HELB: variants seen among roughly 807,000 people sequenced by gnomAD.
The protein encoded by HELB is DNA helicase B.
In HELB, 96 loss-of-function variants were observed where a neutral mutation model predicts 101.7. That is an observed-to-expected ratio of 0.94 (90% confidence interval 0.80 to 1.12). The LOEUF (loss-of-function observed/expected upper bound fraction) is 1.12, where lower values mean the gene tolerates loss of function less well. HELB is among the 50% of genes most tolerant of loss of function. The pLI is 0.00. For missense variants in HELB, 1,210 were observed against 1,291.9 expected (o/e 0.94, Z 0.97); for synonymous variants, 437 against 459.7 (o/e 0.95, Z 0.63).
Position 66,324,210 on chromosome 12 carries a change from A to G in HELB, c.2525A>G (p.Asn842Ser). Residue 842 changes from asparagine to serine, a missense_variant and splice_region_variant, in exon 10 of 13, where the codon AAT becomes AGT. Asn to Ser is a conservative substitution (Grantham distance 46, BLOSUM62 1). This residue lies in a region of HELB where 740 missense variants were observed against 728.8 expected (regional missense o/e 1.02). Coordinates refer to ENST00000247815, the MANE Select transcript of HELB (RefSeq NM_001370285.1). ...AATGGAGAGATATTTTTCATAACAA[A>G]TGTAAGTGAAAACAGAAGATAATAT... ...LCNGEIFFIT[N>S]DVTDVTFGKR... is the part of the protein sequence containing the mutation. 1 of 1,576,802 alleles carries G rather than the reference A, an allele frequency of 6.3e-7. No homozygotes were observed. Among genetic ancestry groups the G allele is most frequent in the Non-Finnish European group, 8.7e-7 (1 of 1,149,232 alleles).
At position 66,324,850 on chromosome 12, in the gene HELB, G is replaced by A; in HGVS notation, c.2527-133G>A. On this transcript the variant is annotated intron_variant, in intron 10 of 12. Coordinates refer to ENST00000247815, the MANE Select transcript of HELB (RefSeq NM_001370285.1). Reference sequence around the variant, plus strand: ...GTTTGTGCTGAAATGCAAATTTTAAGCCTTTTGAAATTCTTAATGGTAATT... The same window carrying A: ...GTTTGTGCTGAAATGCAAATTTTAAACCTTTTGAAATTCTTAATGGTAATT... The A allele has an allele frequency of 3.7e-6, 4 of 1,069,540 alleles. No individual in the cohort carries two copies. The South Asian group carries it at 5.4e-5, about 14-fold the overall frequency. 66.3% of individuals were successfully genotyped at this position (1,069,540 alleles called of 1,614,324 possible).
chr12:66,313,209 T>C (rs112398055), intron 4 of HELB, among the ~76,000 whole-genome samples: 181 of 67,710 alleles, frequency 2.7e-3, no homozygotes, highest in Non-Finnish European at 7.1e-3. Context: ...GTAGAAAAAT[T>C]AGATGAAGAT....
chr12:66,316,259 A>G (rs2053604007), intron 6 of HELB, among the ~76,000 whole-genome samples: 1 of 152,128 alleles, frequency 6.6e-6, no homozygotes, highest in African/African-American at 2.4e-5. Context: ...TATTCACACG[A>G]CGATGAACAT....
chr12:66,305,802 G>A (rs972173137), intron 2 of HELB, among the ~76,000 whole-genome samples: 9 of 151,774 alleles, frequency 5.9e-5, no homozygotes, highest in Admixed American at 3.3e-4. Context: ...AGAGAAGAAC[G>A]ACAAGGATGT....
intron 4 of HELB, among the ~76,000 whole-genome samples, chr12:66,313,114 C>T (rs140225276): frequency 6.6e-6 from 1 of 151,834 alleles, no homozygotes; most frequent in Non-Finnish European, 1.5e-5. Context: ...CTACTGTGAG[C>T]ATAGGGGGTT....
At chr12:66,330,238 C>T (rs1324322098) in intron 11 of HELB, among the ~76,000 whole-genome samples, 3 of 152,046 alleles carry the variant, frequency 2.0e-5, no homozygotes, top group Non-Finnish European at 2.9e-5. Flanking sequence ...TACAGTTACA[C>T]GGTGATATTG....
rs533875149 is a variant in HELB at position 66,311,860 on chromosome 12, A to C, written c.1680+1252A>C. Reference sequence around the variant, plus strand: ...CATTTTTTAGATAAAGAAACATGGTAGTTGGAAGATTTCTGAAGAAGGTAA... The same window carrying C: ...CATTTTTTAGATAAAGAAACATGGTCGTTGGAAGATTTCTGAAGAAGGTAA... On this transcript the variant is annotated intron_variant, in intron 4 of 12. Transcript: ENST00000247815. Among the ~76,000 whole-genome samples, 82 of 152,340 alleles carry C rather than the reference A, an allele frequency of 5.4e-4. No individual in the cohort carries two copies. The South Asian group carries it at 0.016, about 30-fold the overall frequency.
chr12:66,317,811 T>A (rs1238128748), intron 6 of HELB, among the ~76,000 whole-genome samples: 2 of 152,238 alleles, frequency 1.3e-5, no homozygotes, highest in African/African-American at 4.8e-5. Flanking sequence ...AAATCTGGGC[T>A]ATCGCCAGCA....
chr12:66,312,626 G>A (rs531906214), intron 4 of HELB, among the ~76,000 whole-genome samples: 1 of 152,268 alleles, frequency 6.6e-6, no homozygotes, highest in South Asian at 2.1e-4. Context: ...TGATGTGTCA[G>A]CTCTGATTAG....
Position 66,306,409 on chromosome 12 carries a change from T to C in HELB, c.672T>C (p.Leu224=). The C allele has an allele frequency of 1.2e-6, 2 of 1,609,946 alleles. No homozygotes were observed. The highest frequency in any genetic ancestry group is 1.7e-6 in the Non-Finnish European group (2 of 1,178,080). The part of the protein sequence containing the change: ...FPKIMEFLPV[L]LPRHFKWIIG... ...AGATAATGGAATTCCTTCCAGTTCT[T>C]CTGCCTCGACACTTTAAATGGATCA... The change falls in exon 3 of 13, where the codon CTT becomes CTC. Residue 224 remains leucine (L), a synonymous_variant. Transcript: ENST00000247815.
downstream of HELB, chr12:66,340,146 T>C (rs1354569895): frequency 6.6e-6 from 1 of 152,186 alleles, no homozygotes; most frequent in Non-Finnish European, 1.5e-5. Flanking sequence ...GGAGTAGAAT[T>C]GATGGGTCAT....
At chr12:66,320,027 TC>T (rs781541991) in intron 7 of HELB, among the ~76,000 whole-genome samples, 1 of 151,924 alleles carries the variant, frequency 6.6e-6, no homozygotes, top group Non-Finnish European at 1.5e-5. Context: ...TATTGTGCTT[TC>T]ATTCTAGTGT....
intron 2 of HELB, among the ~76,000 whole-genome samples, chr12:66,305,627 C>T (rs1386171354): frequency 1.3e-5 from 2 of 151,666 alleles, no homozygotes; most frequent in African/African-American, 2.4e-5. Flanking sequence ...TACCTGTAGT[C>T]CCAGCTACTT....
chr12:66,327,259 T>C (rs1429325715), intron 11 of HELB, among the ~76,000 whole-genome samples: 3 of 151,698 alleles, frequency 2.0e-5, no homozygotes, highest in Admixed American at 6.6e-5. Context: ...GTGTAATATT[T>C]CTGGCTCTGG....
Position 66,331,389 on chromosome 12 carries a change from G to A in HELB, c.2906G>A (p.Arg969Gln), listed in dbSNP as rs747474183. ...CCTCCAGCAGATTTTCCGTCCCCAC[G>A]GAAGAGCTCTGGAGACAGTGGAGGA... ...GAPPADFPSP[R>Q]KSSGDSGGPS... is the part of the protein sequence containing the mutation. The change falls in exon 12 of 13, where the codon CGG (arginine) becomes CAG (glutamine). Residue 969 changes from arginine (R) to glutamine (Q), a missense_variant. By Grantham distance (43) the Arg-to-Gln change is conservative (BLOSUM62 1). Around this residue, in one of 2 missense-constraint regions of HELB, gnomAD observed 740 missense variants for 728.8 expected, o/e 1.02. Coordinates refer to ENST00000247815, the MANE Select transcript of HELB (RefSeq NM_001370285.1). 7 of 1,614,080 alleles carry A rather than the reference G, an allele frequency of 4.3e-6. No homozygotes were observed. The highest frequency in any genetic ancestry group is 4.5e-5 in the East Asian group (2 of 44,896).
At chr12:66,325,427 T>C (rs2137009018) in intron 11 of HELB, among the ~76,000 whole-genome samples, 1 of 152,324 alleles carries the variant, frequency 6.6e-6, no homozygotes, top group African/African-American at 2.4e-5. Context: ...TTGGTTAAAT[T>C]CTGATATTTT....
intron 7 of HELB, 126 bp downstream of exon 7, chr12:66,318,918 A>T: frequency 1.4e-6 from 1 of 716,768 alleles, no homozygotes; most frequent in Non-Finnish European, 2.2e-6. Flanking sequence ...AAAAAAAGAG[A>T]CATTGAAAAT....
intron 12 of HELB, among the ~76,000 whole-genome samples, chr12:66,336,819 TC>T (rs2137020893): frequency 6.6e-6 from 1 of 152,264 alleles, no homozygotes; most frequent in Admixed American, 6.5e-5. Flanking sequence ...GGTCGTAGAT[TC>T]TTCTGATTGC....
rs373487548 is a variant in HELB, at chr12:66,315,239, T to C, written c.1859-3T>C. On this transcript the variant is annotated splice_polypyrimidine_tract_variant and splice_region_variant and intron_variant, in intron 5 of 12. Coordinates refer to ENST00000247815, the MANE Select transcript of HELB (RefSeq NM_001370285.1). ...CTTGCTACTGTATCTTTTTTTCTTT[T>C]AGGTGACATTAGACAGTTACCCAGT... 1.5e-5 allele frequency: 23 copies of C among 1,558,204 alleles called. No individual in the cohort carries two copies. In the African/African-American group the frequency reaches 2.9e-4, roughly 20 times the overall value.
Sources: gnomAD v4.1 joint callset for allele counts (sites outside exome capture counted in the v4.1 genomes callset) on GRCh38, gnomAD v4.1.1 for gene constraint, gnomAD v4.1.1 regional missense constraint, MANE v1.5 for transcripts, NCBI Gene and HGNC (gene_info 2026-07-23, HGNC 2026-07-21) for gene names.